The following FBXO4 variants were observed in gnomAD, a reference collection of about 807,000 sequenced individuals.
The protein encoded by FBXO4 is F-box only protein 4.
FBXO4 carries 36 observed loss-of-function variants against 43.7 expected under a neutral mutation model. The ratio of observed to expected loss-of-function variants is 0.82; its 90% CI spans 0.63 to 1.09. The LOEUF (loss-of-function observed/expected upper bound fraction) is 1.09, where lower values mean the gene tolerates loss of function less well. Among genes scored for constraint, FBXO4 ranks in the 50% least tolerant of loss-of-function variants. The pLI, the probability that FBXO4 is intolerant of heterozygous loss-of-function variation, is 0.00. For missense variants in FBXO4, 435 were observed against 474.1 expected (o/e 0.92, Z 0.77); for synonymous variants, 180 against 165.6 (o/e 1.09, Z -0.67).
chr5:42,018,269 G>A, the FBXO4 span, among the ~76,000 whole-genome samples: 6 of 151,678 alleles, frequency 4.0e-5, no homozygotes, highest in African/African-American at 1.2e-4. Flanking sequence ...GATTAGCAGT[G>A]AAAAATAATG....
the FBXO4 span, among the ~76,000 whole-genome samples, chr5:41,959,484 CTCCATTTTT>C: frequency 6.6e-6 from 1 of 152,060 alleles, no homozygotes; most frequent in Admixed American, 6.5e-5. Context: ...GGAGCTTTCC[CTCCATTTTT>C]TTCCAGTAGT....
At chr5:41,933,579 A>G (rs1579979701) in intron 3 of FBXO4, among the ~76,000 whole-genome samples, 1 of 152,180 alleles carries the variant, frequency 6.6e-6, no homozygotes, top group Admixed American at 6.5e-5. Context: ...GAATGTATAC[A>G]TTGATTATTA....
chr5:41,928,124 A>G (rs1408201663), intron 2 of FBXO4, among the ~76,000 whole-genome samples: 1 of 152,038 alleles, frequency 6.6e-6, no homozygotes, highest in Non-Finnish European at 1.5e-5. Flanking sequence ...AGACTATTTG[A>G]TTCAAAGGTG....
the FBXO4 span, among the ~76,000 whole-genome samples, chr5:42,006,115 T>C: frequency 6.6e-6 from 1 of 152,132 alleles, no homozygotes; most frequent in Admixed American, 6.6e-5. Flanking sequence ...AAGCTTAGCT[T>C]AGCCTAAGCT....
At chr5:41,936,448 C>T (rs189576468) in intron 5 of FBXO4, among the ~76,000 whole-genome samples, 7 of 152,168 alleles carry the variant, frequency 4.6e-5, no homozygotes, top group Admixed American at 6.5e-5. Context: ...GCAGGAGAAT[C>T]GCTTGAGCCT....
chr5:41,964,713 C>T, the FBXO4 span, among the ~76,000 whole-genome samples: 1 of 151,956 alleles, frequency 6.6e-6, no homozygotes, highest in East Asian at 1.9e-4. Flanking sequence ...ATCCTTCGCC[C>T]ACTTGTTGAT....
At chr5:41,971,845 TATTTC>T in the FBXO4 span, among the ~76,000 whole-genome samples, 1 of 152,118 alleles carries the variant, frequency 6.6e-6, no homozygotes, top group African/African-American at 2.4e-5. Context: ...CACTCTTACT[TATTTC>T]ATTTTATAAA....
At chr5:42,032,055 TTCTG>T in the FBXO4 span, among the ~76,000 whole-genome samples, 2 of 133,560 alleles carry the variant, frequency 1.5e-5, no homozygotes, top group African/African-American at 5.9e-5. Context: ...CTGTCTTTTT[TTCTG>T]TGTGTGTGTG....
chr5:42,005,381 C>A, the FBXO4 span, among the ~76,000 whole-genome samples: 2 of 152,166 alleles, frequency 1.3e-5, no homozygotes, highest in Non-Finnish European at 2.9e-5. Context: ...GTGCTTCCAA[C>A]TTGGCTTATC....
the FBXO4 span, among the ~76,000 whole-genome samples, chr5:42,014,985 G>C: frequency 0.016 from 2,493 of 152,176 alleles, 131 homozygotes; most frequent in East Asian, 0.11. Flanking sequence ...ATAAAGCACT[G>C]AGGCAATTCT....
chr5:41,978,409 C>A, the FBXO4 span, among the ~76,000 whole-genome samples: 1 of 151,984 alleles, frequency 6.6e-6, no homozygotes. Flanking sequence ...ATAACAAACA[C>A]ATTGTTTAAA....
chr5:41,950,746 A>G, the FBXO4 span, among the ~76,000 whole-genome samples: 64 of 152,360 alleles, frequency 4.2e-4, no homozygotes, highest in African/African-American at 1.3e-3. Context: ...TCATTCTACT[A>G]TAAAGACACA....
chr5:41,954,250 A>G, the FBXO4 span, among the ~76,000 whole-genome samples: 1 of 152,214 alleles, frequency 6.6e-6, no homozygotes, highest in Admixed American at 6.5e-5. Flanking sequence ...TAAAACTTAC[A>G]TTATTATTTT....
chr5:41,940,496 A>G (rs1751978333), intron 6 of FBXO4, among the ~76,000 whole-genome samples: 1 of 152,134 alleles, frequency 6.6e-6, no homozygotes, highest in African/African-American at 2.4e-5. Context: ...TCCTGGCTTC[A>G]AGTGATCCAC....
At chr5:42,030,465 A>T in the FBXO4 span, among the ~76,000 whole-genome samples, 1 of 152,062 alleles carries the variant, frequency 6.6e-6, no homozygotes, top group Non-Finnish European at 1.5e-5. Flanking sequence ...TTCAAGATGG[A>T]TTAAAGACTT....
At chr5:42,027,497 TG>T in the FBXO4 span, among the ~76,000 whole-genome samples, 1 of 151,000 alleles carries the variant, frequency 6.6e-6, no homozygotes, top group Non-Finnish European at 1.5e-5. Flanking sequence ...AACAGCTTTT[TG>T]TTTCATTGAT....
chr5:41,960,014 T>C, the FBXO4 span, among the ~76,000 whole-genome samples: 1 of 152,056 alleles, frequency 6.6e-6, no homozygotes, highest in Non-Finnish European at 1.5e-5. Context: ...TTTTATTTAT[T>C]TGTGCATTGT....
At chr5:41,996,719 C>T in the FBXO4 span, among the ~76,000 whole-genome samples, 10 of 152,212 alleles carry the variant, frequency 6.6e-5, no homozygotes, top group Non-Finnish European at 1.5e-4. Context: ...GTGCATCTTT[C>T]TTGGTTTTCT....
the FBXO4 span, among the ~76,000 whole-genome samples, chr5:42,019,712 G>A: frequency 1.3e-5 from 2 of 149,824 alleles, no homozygotes; most frequent in African/African-American, 2.4e-5. Flanking sequence ...AAAAAACCAA[G>A]AAAGAAAGAA....
Sources: gnomAD v4.1 joint callset for allele counts (sites outside exome capture counted in the v4.1 genomes callset) on GRCh38, gnomAD v4.1.1 for gene constraint, MANE v1.5 for transcripts, NCBI Gene and HGNC (gene_info 2026-07-23, HGNC 2026-07-21) for gene names.